The following SHISA9 variants were observed in gnomAD, a reference collection of about 807,000 sequenced individuals.
SHISA9 encodes protein shisa-9.
Under a neutral mutation model 38.0 loss-of-function variants are expected in SHISA9, and 13 were observed. The ratio of observed to expected loss-of-function variants is 0.34; its 90% CI spans 0.22 to 0.54. SHISA9 has a LOEUF of 0.54. Ranked by LOEUF, SHISA9 falls within the 20% of genes least tolerant of loss-of-function variation. The probability of loss-of-function intolerance (pLI) is 0.91; values close to 1 mark genes in which losing one functional copy is unlikely to be tolerated. For synonymous variants in SHISA9, 275 were observed against 242.0 expected (o/e 1.14, Z -1.27); for missense variants, 538 against 575.8 (o/e 0.93, Z 0.67).
the SHISA9 span, among the ~76,000 whole-genome samples, chr16:13,367,707 C>CGCGCGT: frequency 1.6e-5 from 2 of 123,208 alleles, no homozygotes; most frequent in Admixed American, 7.8e-5. Flanking sequence ...TGCGCGCGCG[C>CGCGCGT]GCGCGCACAC....
chr16:13,473,638 C>A, the SHISA9 span, among the ~76,000 whole-genome samples: 2 of 152,106 alleles, frequency 1.3e-5, no homozygotes, highest in African/African-American at 4.8e-5. Flanking sequence ...CTAATGCAGT[C>A]TTTCTCCAGA....
At chr16:13,037,265 T>C (rs1376123672) in intron 2 of SHISA9, among the ~76,000 whole-genome samples, 1 of 152,026 alleles carries the variant, frequency 6.6e-6, no homozygotes, top group Non-Finnish European at 1.5e-5. Flanking sequence ...GGCAAGCGGG[T>C]GTAAGTGCCA....
At chr16:13,262,266 T>A in the SHISA9 span, among the ~76,000 whole-genome samples, 1 of 152,212 alleles carries the variant, frequency 6.6e-6, no homozygotes, top group Non-Finnish European at 1.5e-5. Context: ...CAGAAACTGA[T>A]GAGAGGCAGC....
At chr16:13,256,986 C>T in the SHISA9 span, among the ~76,000 whole-genome samples, 2 of 152,168 alleles carry the variant, frequency 1.3e-5, no homozygotes, top group African/African-American at 4.8e-5. Flanking sequence ...TGATGTTCAT[C>T]TATGCCAACC....
At chr16:13,434,670 G>C in the SHISA9 span, among the ~76,000 whole-genome samples, 2 of 151,932 alleles carry the variant, frequency 1.3e-5, no homozygotes, top group Non-Finnish European at 2.9e-5. Context: ...CGCCCACCTC[G>C]GCGTCCCAAA....
intron 2 of SHISA9, among the ~76,000 whole-genome samples, chr16:12,930,108 A>G (rs1244570438): frequency 6.6e-6 from 1 of 152,122 alleles, no homozygotes; most frequent in African/African-American, 2.4e-5. Context: ...TCCCCACAAC[A>G]TGTTAGCTCC....
chr16:13,135,189 A>G (rs756785541), intron 2 of SHISA9, among the ~76,000 whole-genome samples: 1 of 152,246 alleles, frequency 6.6e-6, no homozygotes, highest in African/African-American at 2.4e-5. Context: ...CTACTACAGG[A>G]TATCATGATC....
the SHISA9 span, among the ~76,000 whole-genome samples, chr16:13,444,434 AG>A: frequency 6.6e-6 from 1 of 151,260 alleles, no homozygotes; most frequent in Non-Finnish European, 1.5e-5. Flanking sequence ...GAAGGAAGGA[AG>A]GAAGGGAGGA....
chr16:13,341,977 C>T, the SHISA9 span, among the ~76,000 whole-genome samples: 2 of 152,148 alleles, frequency 1.3e-5, no homozygotes, highest in Non-Finnish European at 2.9e-5. Context: ...CTTCTTTCCT[C>T]TCCTTCTCAC....
At chr16:13,069,342 G>A (rs954522777) in intron 2 of SHISA9, among the ~76,000 whole-genome samples, 3 of 151,422 alleles carry the variant, frequency 2.0e-5, no homozygotes, top group Non-Finnish European at 2.9e-5. Context: ...GCATGCATAT[G>A]TGTGTATGTA....
chr16:12,914,307 G>A (rs1370956187), intron 1 of SHISA9, among the ~76,000 whole-genome samples: 3 of 151,956 alleles, frequency 2.0e-5, no homozygotes, highest in Non-Finnish European at 4.4e-5. Flanking sequence ...GCCTCCCAAA[G>A]TGCTGGGATT....
intron 2 of SHISA9, among the ~76,000 whole-genome samples, chr16:13,151,200 G>A (rs1266222907): frequency 3.9e-5 from 6 of 152,098 alleles, no homozygotes; most frequent in Admixed American, 3.3e-4. Context: ...TTTGCCTCCC[G>A]GGTTCAAGCG....
chr16:12,928,057 T>C (rs1440635897), intron 2 of SHISA9, among the ~76,000 whole-genome samples: 3 of 152,232 alleles, frequency 2.0e-5, no homozygotes. Flanking sequence ...GATAAGGGCA[T>C]TTTAACATCA....
intron 2 of SHISA9, among the ~76,000 whole-genome samples, chr16:12,944,208 A>C (rs569856786): frequency 1.3e-5 from 2 of 152,330 alleles, no homozygotes; most frequent in African/African-American, 2.4e-5. Flanking sequence ...GTCACTGTTT[A>C]ATTTCTCAGC....
At chr16:12,908,502 T>C (rs9938751) in intron 1 of SHISA9, 1,343,277 of 1,552,054 alleles carry the variant, frequency 0.87, 583,628 homozygotes, top group East Asian at 1. Context: ...CTGCTGTTTA[T>C]GGAGGCACAG....
chr16:13,080,245 C>A (rs538449515), intron 2 of SHISA9, among the ~76,000 whole-genome samples: 3 of 152,084 alleles, frequency 2.0e-5, no homozygotes, highest in African/African-American at 7.2e-5. Context: ...TGGTGGTGGG[C>A]GCCTGTAATC....
At chr16:12,937,387 G>T (rs1276365379) in intron 2 of SHISA9, among the ~76,000 whole-genome samples, 1 of 152,180 alleles carries the variant, frequency 6.6e-6, no homozygotes, top group Non-Finnish European at 1.5e-5. Context: ...TAAGTTTATT[G>T]TCTGTTCTCA....
chr16:13,027,858 C>T (rs1024088088), intron 2 of SHISA9, among the ~76,000 whole-genome samples: 22 of 128,980 alleles, frequency 1.7e-4, no homozygotes, highest in African/African-American at 5.0e-4. Flanking sequence ...ACCCAGGAGG[C>T]GGAGGTTGTA....
At chr16:13,378,277 A>G in the SHISA9 span, among the ~76,000 whole-genome samples, 2 of 152,194 alleles carry the variant, frequency 1.3e-5, no homozygotes, top group South Asian at 4.1e-4. Context: ...ATAATGTCAT[A>G]CAAACTTGCT....
Sources: gnomAD v4.1 joint callset for allele counts (sites outside exome capture counted in the v4.1 genomes callset) on GRCh38, gnomAD v4.1.1 for gene constraint, MANE v1.5 for transcripts, NCBI Gene and HGNC (gene_info 2026-07-23, HGNC 2026-07-21) for gene names.